The following RILPL1 variants were observed in gnomAD, a reference collection of about 807,000 sequenced individuals.
The protein encoded by RILPL1 is RILP-like protein 1.
RILPL1 carries 33 observed loss-of-function variants against 50.3 expected under a neutral mutation model. The observed-to-expected ratio is 0.66, with a 90% CI of 0.50 to 0.88. The LOEUF is 0.88. Ranked by LOEUF, RILPL1 falls within the 40% of genes least tolerant of loss-of-function variation. The pLI, the probability that RILPL1 is intolerant of heterozygous loss-of-function variation, is 0.00. For missense variants in RILPL1, 418 were observed against 542.5 expected, an observed-to-expected ratio of 0.77 and a Z score of 2.28; for synonymous variants, 205 against 228.6, an observed-to-expected ratio of 0.90 and a Z score of 0.93.
Position 123,472,137 on chromosome 12 carries a change from A to G in RILPL1, c.*401T>C, listed in dbSNP as rs779220509. 2 of 181,004 alleles carry G rather than the reference A, an allele frequency of 1.1e-5. No homozygotes were observed. The highest frequency in any genetic ancestry group is 2.4e-5 in the Non-Finnish European group (2 of 84,354). 11.2% of individuals were successfully genotyped at this position (181,004 alleles called of 1,614,324 possible). On this transcript the variant is annotated 3_prime_UTR_variant, in exon 7 of 7. Transcript: ENST00000376874. ...GCCCTTCCATGCCTCCTGCTGAACT[A>G]TGTCACCTGTGATAATAAAACCTCT...
rs539546619 is a variant in RILPL1 at position 123,510,139 on chromosome 12, C to T, written c.461-10603G>A. 4.6e-5 allele frequency among the ~76,000 whole-genome samples: 7 copies of T among 152,370 alleles called. No individual in the cohort carries two copies. The South Asian group carries it at 6.2e-4, about 14-fold the overall frequency. ...GAACCGGCAACCAAGCCGGGCCCCC[C>T]GCTTGCAGTTGTGAAGTGGACCCTC... On this transcript the variant is annotated intron_variant, in intron 2 of 6. Transcript: ENST00000376874.
chr12:123,479,386 C>T (rs540841388), intron 6 of RILPL1, among the ~76,000 whole-genome samples: 36 of 152,192 alleles, frequency 2.4e-4, no homozygotes, highest in Middle Eastern at 3.4e-3. Context: ...GCTGAAGAGC[C>T]GCCCTGAGCA....
intron 2 of RILPL1, among the ~76,000 whole-genome samples, chr12:123,510,896 T>C (rs1313413688): frequency 6.7e-6 from 1 of 149,010 alleles, no homozygotes; most frequent in Non-Finnish European, 1.5e-5. Flanking sequence ...GAGGTCTGTG[T>C]GTGTGTGTAT....
rs1261781827 is a variant in RILPL1 at position 123,471,559 on chromosome 12, G to A, written c.*979C>T. The A allele has an allele frequency of 6.6e-6, 1 of 152,194 alleles. No individual in the cohort carries two copies. Among genetic ancestry groups the A allele is most frequent in the Admixed American group, 6.6e-5 (1 of 15,254 alleles). 9.4% of individuals were successfully genotyped at this position (152,194 alleles called of 1,614,324 possible). A position where few individuals can be genotyped will look rare whatever the true frequency, so the allele number is the denominator to read the frequency against. On this transcript the variant is annotated 3_prime_UTR_variant, in exon 7 of 7. Transcript: ENST00000376874. Reference sequence around the variant, plus strand: ...CCTCCAACTCACCAGTTGCAGTAGAGCATCTGGCTCTCTGTCTGCTGCTAT... The same window carrying A: ...CCTCCAACTCACCAGTTGCAGTAGAACATCTGGCTCTCTGTCTGCTGCTAT...
chr12:123,511,749 C>CTG (rs1884257928), intron 2 of RILPL1, among the ~76,000 whole-genome samples: 1 of 56,062 alleles, frequency 1.8e-5, no homozygotes. Context: ...TGTGTGAGGT[C>CTG]TGTGTGTGGT....
intron 2 of RILPL1, among the ~76,000 whole-genome samples, chr12:123,517,940 G>A (rs1396256326): frequency 3.3e-5 from 5 of 152,084 alleles, no homozygotes; most frequent in Non-Finnish European, 5.9e-5. Flanking sequence ...GATAAACCTC[G>A]AAAACATGTT....
chr12:123,476,973 G>A (rs1881634640), intron 6 of RILPL1, among the ~76,000 whole-genome samples: 1 of 152,186 alleles, frequency 6.6e-6, no homozygotes, highest in South Asian at 2.1e-4. Context: ...CTCCCCAACT[G>A]CGATGAGCTG....
At chr12:123,517,752 G>A (rs117780561) in intron 2 of RILPL1, among the ~76,000 whole-genome samples, 2,258 of 152,146 alleles carry the variant, frequency 0.015, 36 homozygotes, top group Non-Finnish European at 0.024. Context: ...TATCCAATTC[G>A]GTAGCCACCA....
chr12:123,493,013 C>T (rs951936128), intron 4 of RILPL1, among the ~76,000 whole-genome samples: 1 of 152,172 alleles, frequency 6.6e-6, no homozygotes, highest in Admixed American at 6.5e-5. Flanking sequence ...TGTCCCCCAG[C>T]CCGACACCTG....
At chr12:123,476,147 T>A (rs1881578173) in intron 6 of RILPL1, 1 of 97,876 alleles carries the variant, frequency 1.0e-5, no homozygotes, top group East Asian at 2.7e-4. Flanking sequence ...TCAGGTCATC[T>A]GCCCGTCTCA....
Position 123,533,132 on chromosome 12 carries a change from C to T in RILPL1, c.309+42G>A. Reference sequence around the variant, plus strand: ...ATGCGGAAGAGCCCTTGGGTCCCCGCGGTCCCACTGCCCGGACGGACAGAC... The same window carrying T: ...ATGCGGAAGAGCCCTTGGGTCCCCGTGGTCCCACTGCCCGGACGGACAGAC... On this transcript the variant is annotated intron_variant, in intron 1 of 6. Transcript: ENST00000376874. The surrounding 1 kb of genome is among the most constrained non-coding windows in gnomAD (Gnocchi z 6.2). 6.7e-7 allele frequency: 1 copy of T among 1,486,142 alleles called. No individual in the cohort carries two copies. Among genetic ancestry groups the T allele is most frequent in the Non-Finnish European group, 9.0e-7 (1 of 1,116,108 alleles). The allele number at this position is 1,486,142 out of a possible 1,614,324, so 92.1% of individuals were successfully genotyped here. A position where few individuals can be genotyped will look rare whatever the true frequency, so the allele number is the denominator to read the frequency against.
In RILPL1 at chr12:123,523,542, G is replaced by T. The variant is rs376987265; in HGVS notation, c.413C>A (p.Ser138Tyr). ...EENKQLMTNL[S>Y]HKDVNFSEEE... ...CTCTGAGAAATTGACATCCTTGTGG[G>T]AGAGGTTGGTCATGAGCTGCTTGTT... The change falls in exon 2 of 7, where the codon TCC becomes TAC. Residue 138 changes from serine (S) to tyrosine (Y), a missense_variant. Transcript: ENST00000376874. The T allele has an allele frequency of 7.4e-6, 12 of 1,613,788 alleles. No homozygotes were observed. In the African/African-American group the frequency reaches 1.6e-4, roughly 22 times the overall value.
At chr12:123,531,313 G>A (rs1885438149) in intron 1 of RILPL1, among the ~76,000 whole-genome samples, 1 of 152,150 alleles carries the variant, frequency 6.6e-6, no homozygotes, top group Non-Finnish European at 1.5e-5. Context: ...TGCAGCTGCT[G>A]ACAATTCCAT....
At position 123,509,025 on chromosome 12, in the gene RILPL1, TAATAATACAA is replaced by T. The variant is rs567115841; in HGVS notation, c.461-9499_461-9490del. On this transcript the variant is annotated intron_variant, in intron 2 of 6. Transcript: ENST00000376874. Reference sequence around the variant, plus strand: ...ACATGGTGAAACCTCTCGTCTCTACTAATAATACAAAAATGAGCTGGAAATCGCTTCAACT... The same window carrying T: ...ACATGGTGAAACCTCTCGTCTCTACTAAATGAGCTGGAAATCGCTTCAACT... Among the ~76,000 whole-genome samples the T allele has an allele frequency of 2.7e-3, 416 of 152,224 alleles. 1 individual carries two copies. Among genetic ancestry groups the T allele is most frequent in the Non-Finnish European group, 4.9e-3 (335 of 68,000 alleles).
intron 4 of RILPL1, among the ~76,000 whole-genome samples, chr12:123,493,193 G>T (rs991700081): frequency 2.0e-5 from 3 of 152,234 alleles, no homozygotes; most frequent in African/African-American, 7.2e-5. Flanking sequence ...CCTTAAGGCT[G>T]GAGGTGGGAC....
At chr12:123,521,658 TATGTATATATATAA>T in intron 2 of RILPL1, among the ~76,000 whole-genome samples, 2 of 18,198 alleles carry the variant, frequency 1.1e-4, no homozygotes, top group Admixed American at 7.6e-4. Context: ...TATACACATA[TATGTATATATATAA>T]ATATATATAT....
chr12:123,482,181 G>A (rs951327396), intron 6 of RILPL1, among the ~76,000 whole-genome samples: 1 of 151,964 alleles, frequency 6.6e-6, no homozygotes, highest in African/African-American at 2.4e-5. Context: ...CTCCAAATTC[G>A]TTTTCTTAGG....
Position 123,518,317 on chromosome 12 carries a change from A to T in RILPL1, c.460+5178T>A, listed in dbSNP as rs541352915. On this transcript the variant is annotated intron_variant, in intron 2 of 6. Transcript: ENST00000376874. ...CCGGGAGTTTCAGACCAGCCTGGGCAACATAGTGAGACCCCCGTCTCTACC... is the reference window on the plus strand; with the variant it reads ...CCGGGAGTTTCAGACCAGCCTGGGCTACATAGTGAGACCCCCGTCTCTACC... 4.9e-5 allele frequency: 21 copies of T among 425,774 alleles called. No homozygotes were observed. The East Asian group carries it at 1.8e-3, about 35-fold the overall frequency. The allele number at this position is 425,774 out of a possible 1,614,324, so 26.4% of individuals were successfully genotyped here. A position where few individuals can be genotyped will look rare whatever the true frequency, so the allele number is the denominator to read the frequency against.
intron 2 of RILPL1, among the ~76,000 whole-genome samples, chr12:123,512,316 T>G (rs1884362288): frequency 9.2e-6 from 1 of 109,204 alleles, no homozygotes; most frequent in Non-Finnish European, 1.8e-5. Context: ...GTGTGTGGTG[T>G]CAATGTGAGG....
Sources: allele counts gnomAD v4.1 joint callset (sites outside exome capture counted in the v4.1 genomes callset), GRCh38; gene constraint gnomAD v4.1.1; non-coding constraint Gnocchi (gnomAD v3.1); transcripts MANE v1.5; gene names NCBI Gene and HGNC (gene_info 2026-07-23, HGNC 2026-07-21).